The following TTC28 variants were observed in gnomAD, a reference collection of about 807,000 sequenced individuals.
The protein encoded by TTC28 is tetratricopeptide repeat domain 28, also known as tetratricopeptide repeat protein 28.
TTC28 carries 61 observed loss-of-function variants against 198.0 expected under a neutral mutation model. The ratio of observed to expected loss-of-function variants is 0.31; its 90% CI spans 0.25 to 0.38. The LOEUF is 0.38. TTC28 is among the 10% of genes least tolerant of loss of function. The pLI, the probability that TTC28 is intolerant of heterozygous loss-of-function variation, is 1.00. For synonymous variants in TTC28, 1,171 were observed against 1,297.8 expected (o/e 0.90, Z 2.10); for missense variants, 2,678 against 3,164.0 (o/e 0.85, Z 3.69).
At chr22:28,295,551 A>G (rs2044876459) in intron 5 of TTC28, among the ~76,000 whole-genome samples, 1 of 152,200 alleles carries the variant, frequency 6.6e-6, no homozygotes, top group Admixed American at 6.5e-5. Flanking sequence ...GAGTTAAGTT[A>G]TAACTACCCC....
chr22:28,234,561 T>C (rs1272399605), intron 5 of TTC28, among the ~76,000 whole-genome samples: 4 of 150,804 alleles, frequency 2.7e-5, no homozygotes, highest in South Asian at 2.1e-4. Context: ...TTAGTAGAGA[T>C]AGGGTTTCAC....
chr22:28,317,336 G>C (rs2045368491), intron 2 of TTC28, among the ~76,000 whole-genome samples: 1 of 151,950 alleles, frequency 6.6e-6, no homozygotes, highest in Non-Finnish European at 1.5e-5. Flanking sequence ...TTATATTCTG[G>C]ATATTTTGTT....
rs150968525 is a variant in TTC28, at chr22:28,362,726, G to A, written c.382-56083C>T. Among the ~76,000 whole-genome samples the A allele has an allele frequency of 5.5e-3, 832 of 152,246 alleles. 7 individuals carry two copies. The highest frequency in any genetic ancestry group is 0.01 in the Middle Eastern group (3 of 294). On this transcript the variant is annotated intron_variant, in intron 2 of 22. Transcript: ENST00000397906. The stretch of plus-strand genomic sequence containing the variant: ...GGAGATGGGGAACTTGTTGGGAACT[G>A]GAGCAAAAATGACTGTTGTTATGTT...
At chr22:28,124,754 T>C (rs1254017716) in intron 6 of TTC28, among the ~76,000 whole-genome samples, 1 of 152,218 alleles carries the variant, frequency 6.6e-6, no homozygotes, top group Admixed American at 6.5e-5. Context: ...AAATCATCTC[T>C]AGATAGCTCA....
intron 2 of TTC28, chr22:28,443,078 A>C (rs2047649619): frequency 6.6e-6 from 1 of 152,252 alleles, no homozygotes; most frequent in South Asian, 2.1e-4. Flanking sequence ...TTTCGCCTTC[A>C]GTTCAATGAA....
At chr22:28,138,002 C>T (rs951993034) in intron 6 of TTC28, among the ~76,000 whole-genome samples, 2 of 151,734 alleles carry the variant, frequency 1.3e-5, no homozygotes, top group African/African-American at 2.4e-5. Flanking sequence ...GTGACAAGAG[C>T]GAAACTCCGT....
chr22:28,405,469 A>C (rs1348003599), intron 2 of TTC28, among the ~76,000 whole-genome samples: 1 of 152,234 alleles, frequency 6.6e-6, no homozygotes, highest in Admixed American at 6.5e-5. Flanking sequence ...GAAGGTAGAA[A>C]GCATGACCTA....
intron 5 of TTC28, among the ~76,000 whole-genome samples, chr22:28,214,380 C>T (rs1011459802): frequency 7.2e-5 from 11 of 152,286 alleles, no homozygotes; most frequent in Admixed American, 6.5e-4. Context: ...ACAATCTACT[C>T]ATCTAACAAA....
chr22:28,092,489 T>G (rs1263812310), intron 12 of TTC28, among the ~76,000 whole-genome samples: 1 of 152,148 alleles, frequency 6.6e-6, no homozygotes, highest in Non-Finnish European at 1.5e-5. Flanking sequence ...TAAACCAAGA[T>G]TCTCTCTCCC....
intron 5 of TTC28, among the ~76,000 whole-genome samples, chr22:28,286,659 TAAC>T (rs2044692003): frequency 6.6e-6 from 1 of 152,084 alleles, no homozygotes; most frequent in African/African-American, 2.4e-5. Context: ...GATAAAACTA[TAAC>T]AATAAAAAAA....
intron 6 of TTC28, among the ~76,000 whole-genome samples, chr22:28,140,602 A>G (rs1413718846): frequency 6.6e-6 from 1 of 152,230 alleles, no homozygotes; most frequent in Non-Finnish European, 1.5e-5. Context: ...TAGATTTCCA[A>G]AAAAGAGTTT....
At position 28,632,253 on chromosome 22, in the gene TTC28, C is replaced by CTTTTT. The variant is rs765447917; in HGVS notation, c.103-2428_103-2424dup. ...ATATCAGTGTCCAAGTTATATTCAA[C>CTTTTT]TTTTTTTTTTTTTTTTTTTTTTTTT... is the stretch of plus-strand genomic sequence containing the variant. On this transcript the variant is annotated intron_variant, in intron 1 of 22. Coordinates refer to ENST00000397906, the MANE Select transcript of TTC28 (RefSeq NM_001145418.2). Among the ~76,000 whole-genome samples the CTTTTT allele has an allele frequency of 7.4e-3, 367 of 49,706 alleles. 50 individuals are homozygous for CTTTTT. The highest frequency in any genetic ancestry group is 9.8e-3 in the Admixed American group (28 of 2,850). 32.6% of individuals were successfully genotyped at this position (49,706 alleles called of 152,430 possible).
chr22:27,993,360 C>T lies in TTC28; in HGVS notation c.5403G>A (p.Ala1801=), dbSNP rs751644638. The change falls in exon 18 of 23, where the codon GCG becomes GCA. Residue 1801 remains alanine (A), a synonymous_variant. Coordinates refer to ENST00000397906, the MANE Select transcript of TTC28 (RefSeq NM_001145418.2). ...RLDPPTSGLP[A]AVFFPTSDPG... ...GGTCGGAGGTTGGGAAGAAGACAGC[C>T]GCTGGCAGGCCACTGGTTGGGGGGT... is the stretch of plus-strand genomic sequence containing the variant. 3.2e-5 allele frequency: 50 copies of T among 1,550,734 alleles called. No individual in the cohort carries two copies. The highest frequency in any genetic ancestry group is 3.8e-5 in the Non-Finnish European group (44 of 1,146,962).
intron 2 of TTC28, among the ~76,000 whole-genome samples, chr22:28,382,425 C>G (rs571296215): frequency 2.8e-4 from 42 of 152,232 alleles, no homozygotes; most frequent in African/African-American, 9.4e-4. Context: ...AAATGAAGCA[C>G]AGCAAATATG....
intron 2 of TTC28, among the ~76,000 whole-genome samples, chr22:28,442,399 G>T (rs1389009686): frequency 6.6e-6 from 1 of 152,248 alleles, no homozygotes; most frequent in Admixed American, 6.5e-5. Context: ...GGGCTGGTGT[G>T]CTGGGGCTGC....
intron 1 of TTC28, among the ~76,000 whole-genome samples, chr22:28,663,751 G>A (rs1167771364): frequency 5.1e-5 from 7 of 138,454 alleles, no homozygotes; most frequent in African/African-American, 1.9e-4. Flanking sequence ...GGCTTGCTTA[G>A]GTAAACAAAG....
At chr22:28,500,030 T>G (rs1165757906) in intron 2 of TTC28, among the ~76,000 whole-genome samples, 1 of 152,202 alleles carries the variant, frequency 6.6e-6, no homozygotes, top group Non-Finnish European at 1.5e-5. Context: ...AGAATTTGAA[T>G]AACTTTATTG....
chr22:28,109,701 C>T (rs1316155966), intron 6 of TTC28, among the ~76,000 whole-genome samples: 1 of 152,206 alleles, frequency 6.6e-6, no homozygotes, highest in Non-Finnish European at 1.5e-5. Context: ...AGAGCTTCGT[C>T]CATCCCAGTT....
chr22:28,205,776 T>C (rs1232690733), intron 5 of TTC28, among the ~76,000 whole-genome samples: 1 of 152,028 alleles, frequency 6.6e-6, no homozygotes, highest in Non-Finnish European at 1.5e-5. Flanking sequence ...TCCCCGTCCA[T>C]GAATTCCTTT....
Sources: allele counts gnomAD v4.1 joint callset (sites outside exome capture counted in the v4.1 genomes callset), GRCh38; gene constraint gnomAD v4.1.1; transcripts MANE v1.5; gene names NCBI Gene and HGNC (gene_info 2026-07-23, HGNC 2026-07-21).